Variants in ARHGAP42 observed in about 807,000 individuals in gnomAD.
The protein encoded by ARHGAP42 is rho GTPase-activating protein 42.
Under a neutral mutation model 125.0 loss-of-function variants are expected in ARHGAP42, and 63 were observed. The observed-to-expected ratio is 0.50, with a 90% CI of 0.41 to 0.62. The LOEUF is 0.62. Among genes scored for constraint, ARHGAP42 ranks in the 20% least tolerant of loss-of-function variants. ARHGAP42 has a pLI of 0.00. For missense variants in ARHGAP42, 766 were observed against 1,024.2 expected (o/e 0.75, Z 3.44); for synonymous variants, 339 against 351.0 (o/e 0.97, Z 0.38).
At chr11:100,724,095 T>C (rs546324079) in intron 1 of ARHGAP42, among the ~76,000 whole-genome samples, 1 of 152,332 alleles carries the variant, frequency 6.6e-6, no homozygotes, top group South Asian at 2.1e-4. Context: ...AGATTTTTCT[T>C]CTTTAGCTTG....
chr11:100,820,241 A>T (rs1864372544), intron 3 of ARHGAP42, among the ~76,000 whole-genome samples: 1 of 152,052 alleles, frequency 6.6e-6, no homozygotes, highest in Admixed American at 6.6e-5. Context: ...CATTGAGATT[A>T]TTGGGTAGTT....
chr11:100,925,224 T>C (rs1227620434), intron 6 of ARHGAP42, among the ~76,000 whole-genome samples: 2 of 152,040 alleles, frequency 1.3e-5, no homozygotes, highest in Non-Finnish European at 2.9e-5. Flanking sequence ...TCACTGTTGA[T>C]TTCTAGACCC....
At chr11:100,869,905 T>C (rs1865660393) in intron 4 of ARHGAP42, among the ~76,000 whole-genome samples, 1 of 152,304 alleles carries the variant, frequency 6.6e-6, no homozygotes, top group East Asian at 1.9e-4. Context: ...TGTTTGAAGC[T>C]TCCCTCAAAA....
At chr11:100,814,458 A>G (rs1251873818) in intron 3 of ARHGAP42, among the ~76,000 whole-genome samples, 3 of 152,142 alleles carry the variant, frequency 2.0e-5, no homozygotes, top group African/African-American at 4.8e-5. Context: ...AATAATGATT[A>G]TATCCATTTC....
intron 8 of ARHGAP42, among the ~76,000 whole-genome samples, chr11:100,937,181 TA>T (rs1867759717): frequency 6.6e-6 from 1 of 152,242 alleles, no homozygotes; most frequent in South Asian, 2.1e-4. Flanking sequence ...GACTTGATGA[TA>T]GAGGAACACT....
chr11:100,712,821 T>C (rs909151854), intron 1 of ARHGAP42, among the ~76,000 whole-genome samples: 6 of 152,188 alleles, frequency 3.9e-5, no homozygotes, highest in African/African-American at 1.4e-4. Flanking sequence ...TGAACAGTAC[T>C]CTGTAAATAA....
chr11:100,779,745 G>A lies in ARHGAP42; in HGVS notation c.250+9307G>A, dbSNP rs1863255165. On this transcript the variant is annotated intron_variant, in intron 2 of 23. Coordinates refer to ENST00000298815, the MANE Select transcript of ARHGAP42 (RefSeq NM_152432.4). ...TAGAATCATTTAGAACAAGTTTTTGGCTGGGTGCGGTGACTCACATCTGTA... is the reference window on the plus strand; with the variant it reads ...TAGAATCATTTAGAACAAGTTTTTGACTGGGTGCGGTGACTCACATCTGTA... Among the ~76,000 whole-genome samples the A allele has an allele frequency of 2.0e-5, 3 of 151,378 alleles. No homozygotes were observed. In the East Asian group the frequency reaches 5.9e-4, roughly 30 times the overall value.
At chr11:100,920,561 C>T (rs1019707140) in intron 5 of ARHGAP42, among the ~76,000 whole-genome samples, 8 of 152,124 alleles carry the variant, frequency 5.3e-5, no homozygotes, top group Non-Finnish European at 8.8e-5. Flanking sequence ...ACCCAACTGG[C>T]GACAAGGAAG....
intron 14 of ARHGAP42, 94 bp from the exon 15 acceptor site, chr11:100,961,590 C>G (rs184369544): frequency 9.5e-7 from 1 of 1,053,840 alleles, no homozygotes; most frequent in African/African-American, 1.6e-5. Context: ...ATACCTCTCT[C>G]TTTTGACCTA....
chr11:100,880,444 G>A (rs779735955), intron 4 of ARHGAP42, among the ~76,000 whole-genome samples: 3 of 151,968 alleles, frequency 2.0e-5, no homozygotes, highest in Non-Finnish European at 4.4e-5. Context: ...CCTTTTTATG[G>A]CTGAGTAGTA....
rs757606430 is a variant in ARHGAP42, at chr11:100,943,760, A to G, written c.935A>G (p.Asn312Ser). 4.6e-5 allele frequency: 71 copies of G among 1,543,140 alleles called. No homozygotes were observed. In the African/African-American group the frequency reaches 8.1e-4, roughly 18 times the overall value. The change falls in exon 10 of 24, where the codon AAT becomes AGT. Residue 312 changes from asparagine to serine, a missense_variant and splice_region_variant. Transcript: ENST00000298815. ...ACTGTGGTACTCTTCTTGTTTCAGA[A>G]TGGCCTTGTTACTAGCTCACCGGAA... The part of the protein sequence containing the change: ...VSEMKSSGKM[N>S]GLVTSSPEMF...
intron 16 of ARHGAP42, among the ~76,000 whole-genome samples, chr11:100,965,262 A>G (rs1381468179): frequency 6.6e-6 from 1 of 152,120 alleles, no homozygotes; most frequent in African/African-American, 2.4e-5. Flanking sequence ...GACACAGCCA[A>G]ACCATATCAA....
chr11:100,699,504 ATATTTTTTTTTTTTTTTTTTTTTTT>A (rs1229422223), intron 1 of ARHGAP42, among the ~76,000 whole-genome samples: 1,533 of 33,616 alleles, frequency 0.046, 76 homozygotes, highest in African/African-American at 0.16. Context: ...ATATATATAT[ATATTTTTTTTTTTTTTTTTTTTTTT>A]TTTTTTTTTT....
intron 2 of ARHGAP42, among the ~76,000 whole-genome samples, chr11:100,786,654 A>G (rs548379085): frequency 6.6e-6 from 1 of 152,132 alleles, no homozygotes; most frequent in Admixed American, 6.5e-5. Context: ...CTAAGGAAAA[A>G]CTATTAGATA....
At chr11:100,968,287 C>T (rs1157184208) in intron 17 of ARHGAP42, among the ~76,000 whole-genome samples, 1 of 152,118 alleles carries the variant, frequency 6.6e-6, no homozygotes, top group Admixed American at 6.6e-5. Flanking sequence ...AATCCATTCA[C>T]ATTTAATGTT....
intron 4 of ARHGAP42, among the ~76,000 whole-genome samples, chr11:100,897,625 G>A (rs1426684840): frequency 6.6e-6 from 1 of 152,140 alleles, no homozygotes; most frequent in Non-Finnish European, 1.5e-5. Flanking sequence ...GTTCACTCAT[G>A]ATTTGGCTCT....
intron 1 of ARHGAP42, among the ~76,000 whole-genome samples, chr11:100,697,203 GA>G (rs1861299638): frequency 6.6e-6 from 1 of 150,516 alleles, no homozygotes; most frequent in African/African-American, 2.5e-5. Flanking sequence ...GTTTTTTTGA[GA>G]CGAAGTCTCG....
At chr11:100,905,163 A>T (rs778906267) in intron 4 of ARHGAP42, among the ~76,000 whole-genome samples, 1 of 152,302 alleles carries the variant, frequency 6.6e-6, no homozygotes, top group South Asian at 2.1e-4. Flanking sequence ...TCTCACTTTT[A>T]AAACAGAAAT....
rs1359547965 is a variant in ARHGAP42, at chr11:100,911,508, T to C, written c.385-1944T>C. Among the ~76,000 whole-genome samples, 4 of 152,072 alleles carry C rather than the reference T, an allele frequency of 2.6e-5. No homozygotes were observed. The East Asian group carries it at 5.8e-4, about 22-fold the overall frequency. On this transcript the variant is annotated intron_variant, in intron 4 of 23. Coordinates refer to ENST00000298815, the MANE Select transcript of ARHGAP42 (RefSeq NM_152432.4). ...TTGAATGTGTGGAAATTGGAAGAAA[T>C]GAGCATTTATGTCAGAGGGAATGAC...
Sources: gnomAD v4.1 joint callset for allele counts (sites outside exome capture counted in the v4.1 genomes callset) on GRCh38, gnomAD v4.1.1 for gene constraint, MANE v1.5 for transcripts, NCBI Gene and HGNC (gene_info 2026-07-23, HGNC 2026-07-21) for gene names.